POGLUT3: variants seen among roughly 807,000 people sequenced by gnomAD.
POGLUT3 encodes protein O-glucosyltransferase 3.
Under a neutral mutation model 54.3 loss-of-function variants are expected in POGLUT3, and 48 were observed. The observed-to-expected ratio is 0.88, with a 90% CI of 0.70 to 1.12. POGLUT3 has a LOEUF of 1.12. POGLUT3 is among the 50% of genes most tolerant of loss of function. The probability of loss-of-function intolerance (pLI) is 0.00; values close to 1 mark genes in which losing one functional copy is unlikely to be tolerated. For missense variants in POGLUT3, 629 were observed against 618.7 expected (o/e 1.02, Z -0.18); for synonymous variants, 218 against 237.4 (o/e 0.92, Z 0.75).
At chr11:108,485,467 AAAAT>A (rs1184078302) in intron 3 of POGLUT3, among the ~76,000 whole-genome samples, 1 of 152,064 alleles carries the variant, frequency 6.6e-6, no homozygotes, top group Non-Finnish European at 1.5e-5. Context: ...TCCCTATTTA[AAAAT>A]AAATAAATAA....
At chr11:108,490,865 GTTTAC>G (rs2093611802) in intron 2 of POGLUT3, 100 bp downstream of exon 2, 2 of 719,380 alleles carry the variant, frequency 2.8e-6, no homozygotes, top group Admixed American at 5.1e-5. Flanking sequence ...TGTATACAAT[GTTTAC>G]TTTACTGCAC....
At chr11:108,497,447 A>G (rs2093624152) in intron 1 of POGLUT3, among the ~76,000 whole-genome samples, 1 of 152,198 alleles carries the variant, frequency 6.6e-6, no homozygotes, top group Non-Finnish European at 1.5e-5. Context: ...GCCCCAAATT[A>G]TACATTAGCA....
Position 108,472,298 on chromosome 11 carries a change from A to G in POGLUT3, c.*2529T>C, listed in dbSNP as rs1383436410. 1 of 152,048 alleles carries G rather than the reference A, an allele frequency of 6.6e-6. No homozygotes were observed. Among genetic ancestry groups the G allele is most frequent in the Non-Finnish European group, 1.5e-5 (1 of 68,008 alleles). 9.4% of individuals were successfully genotyped at this position (152,048 alleles called of 1,614,324 possible). On this transcript the variant is annotated 3_prime_UTR_variant, in exon 8 of 8. Coordinates refer to ENST00000323468, the MANE Select transcript of POGLUT3 (RefSeq NM_153705.5). ...GGTTGGCATTTTTCTTTATTTTGCA[A>G]TTTGATCCATACTTACAGTAAAAAA... is the stretch of plus-strand genomic sequence containing the variant.
chr11:108,480,480 T>C (rs973165521), intron 5 of POGLUT3, among the ~76,000 whole-genome samples: 5 of 152,230 alleles, frequency 3.3e-5, no homozygotes, highest in Admixed American at 6.5e-5. Context: ...AAAACTGGTA[T>C]TCAGAGAAAT....
intron 1 of POGLUT3, among the ~76,000 whole-genome samples, chr11:108,493,933 C>G (rs2093617665): frequency 6.6e-6 from 1 of 151,958 alleles, no homozygotes; most frequent in South Asian, 2.1e-4. Context: ...TTGGCAGCAT[C>G]AAAGTGTTAC....
At chr11:108,481,416 T>C (rs2093592309) in intron 4 of POGLUT3, 40 bp from the exon 5 acceptor site, 3 of 1,479,724 alleles carry the variant, frequency 2.0e-6, no homozygotes, top group Non-Finnish European at 2.7e-6. Context: ...GATTATGAAT[T>C]TGACATTTTA....
rs367899085 is a variant in POGLUT3 at position 108,475,463 on chromosome 11, G to GTTTT, written c.1399-515_1399-512dup. Among the ~76,000 whole-genome samples the GTTTT allele has an allele frequency of 8.1e-3, 887 of 109,712 alleles. 47 individuals carry two copies. The highest frequency in any genetic ancestry group is 0.012 in the South Asian group (41 of 3,382). The allele number at this position is 109,712 out of a possible 152,430, so 72.0% of individuals were successfully genotyped here. On this transcript the variant is annotated intron_variant, in intron 7 of 7. Transcript: ENST00000323468. ...TATTTCTATAAATGGAGTTTTTTTT[G>GTTTT]TTTTTGTTTTTTTTTTTTTTTGAGA...
intron 1 of POGLUT3, 37 bp from the exon 2 acceptor site, chr11:108,491,204 C>A (rs1356228081): frequency 1.3e-6 from 2 of 1,500,484 alleles, no homozygotes; most frequent in Non-Finnish European, 9.2e-7. Flanking sequence ...TCTACCATGT[C>A]ATGATAATGA....
chr11:108,477,398 CAAAA>C (rs2093583899), intron 7 of POGLUT3, among the ~76,000 whole-genome samples: 1 of 151,892 alleles, frequency 6.6e-6, no homozygotes, highest in South Asian at 2.1e-4. Context: ...GACTTCATCT[CAAAA>C]CAAACAAACA....
In POGLUT3 at chr11:108,474,769, G is replaced by T; in HGVS notation, c.*58C>A. 4 of 1,585,294 alleles carry T rather than the reference G, an allele frequency of 2.5e-6. No individual in the cohort carries two copies. Among genetic ancestry groups the T allele is most frequent in the African/African-American group, 1.4e-5 (1 of 70,414 alleles). On this transcript the variant is annotated 3_prime_UTR_variant, in exon 8 of 8. Transcript: ENST00000323468. The stretch of plus-strand genomic sequence containing the variant: ...CTTCTATACTGTCCTTCACAGCTTA[G>T]ATTCAATCTTTCCTTAAAGTGTAGC...
rs2093575521 is a variant in POGLUT3 at position 108,474,104 on chromosome 11, T to A, written c.*723A>T. ...TGAACAAATATTTTCTCTTCATAAT[T>A]GGAAGTGGAAGAGAAAAAGTGAACA... On this transcript the variant is annotated 3_prime_UTR_variant, in exon 8 of 8. Coordinates refer to ENST00000323468, the MANE Select transcript of POGLUT3 (RefSeq NM_153705.5). 1 of 152,014 alleles carries A rather than the reference T, an allele frequency of 6.6e-6. No individual in the cohort carries two copies. Among genetic ancestry groups the A allele is most frequent in the Non-Finnish European group, 1.5e-5 (1 of 68,004 alleles). 9.4% of individuals were successfully genotyped at this position (152,014 alleles called of 1,614,324 possible).
intron 1 of POGLUT3, among the ~76,000 whole-genome samples, chr11:108,496,317 T>TA (rs879281708): frequency 0.027 from 3,823 of 142,810 alleles, 149 homozygotes; most frequent in African/African-American, 0.088. Flanking sequence ...CCTTGTCTCT[T>TA]AAAAAAAAAA....
intron 2 of POGLUT3, among the ~76,000 whole-genome samples, chr11:108,488,581 CAG>C (rs2093607821): frequency 6.6e-6 from 1 of 152,152 alleles, no homozygotes; most frequent in Non-Finnish European, 1.5e-5. Flanking sequence ...AAGCACTGCA[CAG>C]AGAGAACGTT....
At chr11:108,497,867 G>T (rs1196053431) in intron 1 of POGLUT3, among the ~76,000 whole-genome samples, 1 of 152,202 alleles carries the variant, frequency 6.6e-6, no homozygotes, top group Non-Finnish European at 1.5e-5. Context: ...AAGGCAACGT[G>T]TGACTCACGG....
intron 7 of POGLUT3, 39 bp downstream of exon 7, chr11:108,477,568 C>T: frequency 7.8e-7 from 1 of 1,274,246 alleles, no homozygotes; most frequent in Non-Finnish European, 1.1e-6. Context: ...AGTCTGAGGA[C>T]ACCCGACCCA....
At chr11:108,493,584 T>C (rs1231104666) in intron 1 of POGLUT3, among the ~76,000 whole-genome samples, 2 of 151,982 alleles carry the variant, frequency 1.3e-5, no homozygotes. Flanking sequence ...GGCAGGTGGA[T>C]CACAAGGTCA....
At chr11:108,494,005 A>C (rs1268523037) in intron 1 of POGLUT3, among the ~76,000 whole-genome samples, 1 of 152,172 alleles carries the variant, frequency 6.6e-6, no homozygotes, top group African/African-American at 2.4e-5. Context: ...GCATATTTAG[A>C]AATTCACTTA....
intron 2 of POGLUT3, 49 bp from the exon 3 acceptor site, chr11:108,486,489 C>G: frequency 6.4e-7 from 1 of 1,566,306 alleles, no homozygotes; most frequent in Non-Finnish European, 8.7e-7. Flanking sequence ...GCAAGCACCA[C>G]AACACAGGGA....
chr11:108,491,029 A>G lies in POGLUT3; in HGVS notation c.341T>C (p.Leu114Pro). The G allele has an allele frequency of 6.2e-7, 1 of 1,614,096 alleles. No homozygotes were observed. The highest frequency in any genetic ancestry group is 1.1e-5 in the South Asian group (1 of 91,082). The change falls in exon 2 of 8, where the codon CTG (leucine) becomes CCG (proline). Residue 114 changes from leucine (L) to proline (P), a missense_variant. Physicochemically the swap from Leu to Pro is moderately conservative, Grantham distance 98. Transcript: ENST00000323468. ...ATCACCATAAAGGACCTCTATCTTC[A>G]GGCCTTCATCGACAGTTTCATACAT... ...YRMYETVDEG[L>P]KIEVLYGDEH...
Sources: gnomAD v4.1 joint callset for allele counts (sites outside exome capture counted in the v4.1 genomes callset) on GRCh38, gnomAD v4.1.1 for gene constraint, MANE v1.5 for transcripts, NCBI Gene and HGNC (gene_info 2026-07-23, HGNC 2026-07-21) for gene names.